The following LRRN2 variants were observed in gnomAD, a reference collection of about 807,000 sequenced individuals.
LRRN2 encodes the protein leucine-rich repeat neuronal protein 2.
Under a neutral mutation model 35.7 loss-of-function variants are expected in LRRN2, and 10 were observed. That is an observed-to-expected ratio of 0.28 (90% confidence interval 0.17 to 0.47). LRRN2 has a LOEUF of 0.47. Among genes scored for constraint, LRRN2 ranks in the 20% least tolerant of loss-of-function variants. LRRN2 has a pLI of 0.99. For synonymous variants in LRRN2, 391 were observed against 409.6 expected (o/e 0.95, Z 0.55); for missense variants, 731 against 940.3 (o/e 0.78, Z 2.91).
chr1:204,674,390 C>T (rs1332189381), intron 1 of LRRN2, among the ~76,000 whole-genome samples: 1 of 152,084 alleles, frequency 6.6e-6, no homozygotes, highest in Non-Finnish European at 1.5e-5. Flanking sequence ...CATTAGAAAC[C>T]AGAACGGCAA....
chr1:204,627,188 T>C (rs903530551), intron 1 of LRRN2: 1 of 152,216 alleles, frequency 6.6e-6, no homozygotes, highest in Non-Finnish European at 1.5e-5. Context: ...GGACATACTT[T>C]TCAGATGAGA....
chr1:204,666,010 C>T (rs1668568454), intron 1 of LRRN2, among the ~76,000 whole-genome samples: 2 of 152,140 alleles, frequency 1.3e-5, no homozygotes, highest in African/African-American at 4.8e-5. Context: ...GGTGGTGGTA[C>T]AGGAAGAAGC....
intron 1 of LRRN2, among the ~76,000 whole-genome samples, chr1:204,651,853 C>T (rs2102609627): frequency 6.6e-6 from 1 of 152,260 alleles, no homozygotes; most frequent in South Asian, 2.1e-4. Flanking sequence ...CTTCCAGAAC[C>T]CCATCCTCCT....
chr1:204,685,026 C>T (rs950711883), intron 1 of LRRN2, among the ~76,000 whole-genome samples: 2 of 152,206 alleles, frequency 1.3e-5, no homozygotes, highest in Non-Finnish European at 1.5e-5. Flanking sequence ...GCGCCCTCTC[C>T]CTGGCCGCTT....
At chr1:204,670,917 G>A (rs986685756) in intron 1 of LRRN2, among the ~76,000 whole-genome samples, 6 of 152,178 alleles carry the variant, frequency 3.9e-5, no homozygotes, top group Non-Finnish European at 5.9e-5. Flanking sequence ...TGGCTTGTAC[G>A]GAGAAGAGAG....
chr1:204,677,398 T>G (rs1571686904), intron 1 of LRRN2, among the ~76,000 whole-genome samples: 1 of 152,258 alleles, frequency 6.6e-6, no homozygotes, highest in South Asian at 2.1e-4. Context: ...ACTCTGGTGA[T>G]CTCTCTCTAT....
At chr1:204,671,403 TTGTGTGTGTGTG>T (rs60084787) in intron 1 of LRRN2, among the ~76,000 whole-genome samples, 208 of 122,992 alleles carry the variant, frequency 1.7e-3, no homozygotes, top group African/African-American at 5.5e-3. Flanking sequence ...GTTTGTGTGT[TTGTGTGTGTGTG>T]TGTGTGTGTG....
rs565279608 is a variant in LRRN2 at position 204,619,495 on chromosome 1, G to A, written c.498C>T (p.Asn166=). The change falls in exon 2 of 2, where the codon AAC becomes AAT. Residue 166 remains asparagine, a synonymous_variant. Transcript: ENST00000367177. The stretch of plus-strand genomic sequence containing the variant: ...TGGAGTTGAGGTGCAGCCGCAGCAA[G>A]TTGCTGAGGCCAGAAAAGGCCCTGG... The part of the protein sequence containing the change: ...IAPRAFSGLS[N]LLRLHLNSNL... 1.2e-6 allele frequency: 2 copies of A among 1,614,258 alleles called. No homozygotes were observed. Among genetic ancestry groups the A allele is most frequent in the South Asian group, 1.1e-5 (1 of 91,088 alleles).
At chr1:204,646,134 C>G (rs1290469638) in intron 1 of LRRN2, among the ~76,000 whole-genome samples, 2 of 151,960 alleles carry the variant, frequency 1.3e-5, no homozygotes, top group East Asian at 1.9e-4. Context: ...GGGAGGAAGA[C>G]CTCCATGGTG....
At chr1:204,659,639 T>TGTGA (rs1668430421) in intron 1 of LRRN2, among the ~76,000 whole-genome samples, 1 of 146,444 alleles carries the variant, frequency 6.8e-6, no homozygotes, top group South Asian at 2.2e-4. Context: ...TGTGTGTGTG[T>TGTGA]GATGGATAGT....
At chr1:204,624,754 C>A (rs571895278) in intron 1 of LRRN2, among the ~76,000 whole-genome samples, 918 of 78,638 alleles carry the variant, frequency 0.012, 14 homozygotes, top group South Asian at 0.11. Flanking sequence ...GTTCCCCCCC[C>A]ACCCCCCCCC....
rs550951692 is a variant in LRRN2, at chr1:204,619,029, G to T, written c.964C>A (p.Arg322=). 6.2e-7 allele frequency: 1 copy of T among 1,608,730 alleles called. No homozygotes were observed. Among genetic ancestry groups the T allele is most frequent in the South Asian group, 1.1e-5 (1 of 90,372 alleles). The change falls in exon 2 of 2, where the codon CGG becomes AGG. Residue 322 remains arginine (R), a synonymous_variant. Coordinates refer to ENST00000367177, the MANE Select transcript of LRRN2 (RefSeq NM_201630.2). ...LTKLDITNNP[R]LSFIHPRAFH... is the part of the protein sequence containing the mutation. Reference sequence around the variant, plus strand: ...GCGCGGGGGTGGATGAAGGACAGCCGTGGGTTATTGGTGATGTCCAGCTTG... The same window carrying T: ...GCGCGGGGGTGGATGAAGGACAGCCTTGGGTTATTGGTGATGTCCAGCTTG...
At chr1:204,670,794 G>T (rs1169396969) in intron 1 of LRRN2, among the ~76,000 whole-genome samples, 1 of 152,214 alleles carries the variant, frequency 6.6e-6, no homozygotes, top group Non-Finnish European at 1.5e-5. Context: ...TAGCAATCTG[G>T]AGAGCTGCTT....
Position 204,618,753 on chromosome 1 carries a change from G to A in LRRN2, c.1240C>T (p.Arg414Trp), listed in dbSNP as rs144437640. The change falls in exon 2 of 2, where the codon CGG becomes TGG. Residue 414 changes from arginine to tryptophan, a missense_variant. By Grantham distance (101) the Arg-to-Trp change is moderately radical. Around this residue, in one of 3 missense-constraint regions of LRRN2, gnomAD observed 256 missense variants for 392.4 expected, o/e 0.65. Transcript: ENST00000367177. ...QRLPVREVPF[R>W]EMTDHCLPLI... Reference sequence around the variant, plus strand: ...GGCAAACAGTGGTCCGTCATCTCCCGGAAGGGCACCTCACGGACCGGGAGG... The same window carrying A: ...GGCAAACAGTGGTCCGTCATCTCCCAGAAGGGCACCTCACGGACCGGGAGG... The A allele has an allele frequency of 1.2e-5, 19 of 1,612,240 alleles. No individual in the cohort carries two copies. Among genetic ancestry groups the A allele is most frequent in the South Asian group, 6.6e-5 (6 of 90,938 alleles).
chr1:204,658,604 G>A (rs925705710), intron 1 of LRRN2, among the ~76,000 whole-genome samples: 11 of 152,104 alleles, frequency 7.2e-5, no homozygotes, highest in Admixed American at 6.5e-5. Flanking sequence ...GGGATCTGAG[G>A]TATCACTCTC....
intron 1 of LRRN2, among the ~76,000 whole-genome samples, chr1:204,626,281 C>T (rs1667349748): frequency 6.6e-6 from 1 of 152,092 alleles, no homozygotes; most frequent in East Asian, 1.9e-4. Flanking sequence ...CCTCACACCC[C>T]CTACCAAAAT....
intron 1 of LRRN2, among the ~76,000 whole-genome samples, chr1:204,652,869 CCA>C (rs1206356897): frequency 2.6e-5 from 4 of 152,204 alleles, no homozygotes; most frequent in Non-Finnish European, 5.9e-5. Context: ...GCAACTGGGT[CCA>C]TTTCAGAAGC....
chr1:204,662,673 T>C (rs1197211069), intron 1 of LRRN2, among the ~76,000 whole-genome samples: 1 of 152,204 alleles, frequency 6.6e-6, no homozygotes, highest in African/African-American at 2.4e-5. Flanking sequence ...GGATGAACAA[T>C]TGGTCTTCAG....
At chr1:204,661,473 C>T (rs562147942) in intron 1 of LRRN2, among the ~76,000 whole-genome samples, 180 of 152,312 alleles carry the variant, frequency 1.2e-3, no homozygotes, top group Non-Finnish European at 2.1e-3. Context: ...TCGAACTTTC[C>T]TGTACATAAG....
Sources: allele counts gnomAD v4.1 joint callset (sites outside exome capture counted in the v4.1 genomes callset), GRCh38; gene constraint gnomAD v4.1.1; regional missense constraint gnomAD v4.1.1; transcripts MANE v1.5; gene names NCBI Gene and HGNC (gene_info 2026-07-23, HGNC 2026-07-21).